Variants in ADARB2 observed in about 807,000 individuals in gnomAD.
ADARB2 encodes adenosine deaminase RNA specific B2 (inactive).
ADARB2 carries 25 observed loss-of-function variants against 62.2 expected under a neutral mutation model. That is an observed-to-expected ratio of 0.40 (90% CI 0.29 to 0.56). ADARB2 has a LOEUF of 0.56. ADARB2 is among the 20% of genes least tolerant of loss of function. ADARB2 has a pLI of 0.43. For synonymous variants in ADARB2, 572 were observed against 500.8 expected, an observed-to-expected ratio of 1.14 and a Z score of -1.90; for missense variants, 1,071 against 1,077.4, an observed-to-expected ratio of 0.99 and a Z score of 0.08.
At chr10:1,446,638 C>G (rs1034869353) in intron 1 of ADARB2, among the ~76,000 whole-genome samples, 2 of 152,240 alleles carry the variant, frequency 1.3e-5, no homozygotes, top group African/African-American at 4.8e-5. Context: ...CAGTGAATAG[C>G]TGTGCTCCTC....
At chr10:1,258,996 C>G (rs1184738802) in intron 4 of ADARB2, among the ~76,000 whole-genome samples, 1 of 152,204 alleles carries the variant, frequency 6.6e-6, no homozygotes, top group Admixed American at 6.5e-5. Flanking sequence ...TTAAGAAACT[C>G]AGTCAAAACT....
intron 1 of ADARB2, among the ~76,000 whole-genome samples, chr10:1,693,386 A>G (rs1350861730): frequency 6.6e-6 from 1 of 152,230 alleles, no homozygotes; most frequent in Non-Finnish European, 1.5e-5. Flanking sequence ...ACTGCAAAAC[A>G]GGACCCCAAG....
chr10:1,475,859 A>G lies in ADARB2; in HGVS notation c.101-96699T>C, dbSNP rs1156702809. ...CGGCAATGAGGAGGGAAATGCCCCC[A>G]CAACTGGAGGTAATTGTGTGAATTT... is the stretch of plus-strand genomic sequence containing the variant. On this transcript the variant is annotated intron_variant, in intron 1 of 9. Coordinates refer to ENST00000381312, the MANE Select transcript of ADARB2 (RefSeq NM_018702.4). Among the ~76,000 whole-genome samples the G allele has an allele frequency of 2.6e-5, 4 of 152,204 alleles. No individual in the cohort carries two copies. The East Asian group carries it at 7.7e-4, about 29-fold the overall frequency.
At chr10:1,601,562 T>C (rs1833413702) in intron 1 of ADARB2, among the ~76,000 whole-genome samples, 1 of 152,250 alleles carries the variant, frequency 6.6e-6, no homozygotes, top group Non-Finnish European at 1.5e-5. Context: ...AAAAGGCTCA[T>C]GTCTGTTCCT....
chr10:1,183,299 G>A lies in ADARB2; in HGVS notation c.2114C>T (p.Thr705Ile), dbSNP rs1318915579. The A allele has an allele frequency of 6.2e-7, 1 of 1,614,202 alleles. No individual in the cohort carries two copies. Residue 705 changes from threonine to isoleucine, a missense_variant, in exon 10 of 10, where the codon ACC becomes ATC. Thr to Ile is a moderately conservative substitution (Grantham distance 89, BLOSUM62 -1). Coordinates refer to ENST00000381312, the MANE Select transcript of ADARB2 (RefSeq NM_018702.4). ...CAGCTGCTGTTTCACAGACTGGTAG[G>A]TGTGCGCCCCCAGCTTGGCCTCACA... ...MYCEAKLGAH[T>I]YQSVKQQLFK...
chr10:1,514,811 T>G (rs570719271), intron 1 of ADARB2, among the ~76,000 whole-genome samples: 1 of 152,266 alleles, frequency 6.6e-6, no homozygotes, highest in East Asian at 1.9e-4. Context: ...GAAGAGGTTT[T>G]TACACCTTGC....
intron 4 of ADARB2, among the ~76,000 whole-genome samples, chr10:1,246,097 A>G (rs1478367434): frequency 2.0e-5 from 3 of 151,868 alleles, no homozygotes; most frequent in African/African-American, 7.3e-5. Context: ...AGTGATGATG[A>G]GCATTTTTTC....
At chr10:1,696,302 G>A (rs112509909) in intron 1 of ADARB2, among the ~76,000 whole-genome samples, 5,770 of 152,118 alleles carry the variant, frequency 0.038, 184 homozygotes, top group East Asian at 0.16. Flanking sequence ...TGTGCTTTGC[G>A]TTTATATGTG....
Position 1,327,772 on chromosome 10 carries a change from TCAGCGCCTCCCCACAGCA to T in ADARB2, c.1077+35238_1077+35255del, listed in dbSNP as rs1362364046. Among the ~76,000 whole-genome samples, 5 of 64,830 alleles carry T rather than the reference TCAGCGCCTCCCCACAGCA, an allele frequency of 7.7e-5. 1 individual carries two copies. Among genetic ancestry groups the T allele is most frequent in the African/African-American group, 1.2e-4 (2 of 16,696 alleles). 42.5% of individuals were successfully genotyped at this position (64,830 alleles called of 152,430 possible). Reference sequence around the variant, plus strand: ...TCACTGCACAGCGCCTCCTCACAGCTCAGCGCCTCCCCACAGCACAGCGCCTCCTCACAGTTCAGCATC... The same window carrying T: ...TCACTGCACAGCGCCTCCTCACAGCTCAGCGCCTCCTCACAGTTCAGCATC... On this transcript the variant is annotated intron_variant, in intron 3 of 9. Transcript: ENST00000381312.
chr10:1,540,489 T>TTGAACCCCATGATCC (rs1564322842), intron 1 of ADARB2, among the ~76,000 whole-genome samples: 1 of 116,370 alleles, frequency 8.6e-6, no homozygotes, highest in Admixed American at 8.8e-5. Context: ...CAGACGTAGT[T>TTGAACCCCATGATCC]CAGACCCTGG....
At chr10:1,702,263 G>C (rs1425683553) in intron 1 of ADARB2, among the ~76,000 whole-genome samples, 2 of 152,150 alleles carry the variant, frequency 1.3e-5, no homozygotes, top group African/African-American at 4.8e-5. Context: ...CTGTATAAAA[G>C]CACAATTTTT....
At chr10:1,335,338 GGAAGAAAGGAT>G (rs1329670387) in intron 3 of ADARB2, among the ~76,000 whole-genome samples, 3 of 150,762 alleles carry the variant, frequency 2.0e-5, no homozygotes, top group Non-Finnish European at 4.4e-5. Context: ...AGGGAGAGAT[GGAAGAAAGGAT>G]GAAGGGAAGG....
intron 1 of ADARB2, among the ~76,000 whole-genome samples, chr10:1,471,355 G>C (rs1057238298): frequency 2.0e-5 from 3 of 152,104 alleles, no homozygotes; most frequent in African/African-American, 7.2e-5. Flanking sequence ...TTTATTTGGT[G>C]GGGGGCCGGG....
chr10:1,435,435 C>T (rs1381044899), intron 1 of ADARB2, among the ~76,000 whole-genome samples: 1 of 149,400 alleles, frequency 6.7e-6, no homozygotes, highest in African/African-American at 2.6e-5. Flanking sequence ...GTGTTCCTTC[C>T]GCTTGAGGGC....
intron 1 of ADARB2, among the ~76,000 whole-genome samples, chr10:1,519,258 G>C (rs541558682): frequency 4.0e-5 from 6 of 149,504 alleles, no homozygotes; most frequent in African/African-American, 1.4e-4. Context: ...TGTAACGTCT[G>C]CATGTGGTGT....
chr10:1,589,474 C>A (rs1459265579), intron 1 of ADARB2, among the ~76,000 whole-genome samples: 1 of 150,742 alleles, frequency 6.6e-6, no homozygotes, highest in Non-Finnish European at 1.5e-5. Context: ...GGGGTGTCCA[C>A]AGTGGGGCAT....
chr10:1,387,085 CAT>C (rs1250613090), intron 1 of ADARB2, among the ~76,000 whole-genome samples: 1 of 151,792 alleles, frequency 6.6e-6, no homozygotes, highest in Non-Finnish European at 1.5e-5. Flanking sequence ...GAAAGTATAA[CAT>C]AACACAATTT....
chr10:1,621,304 C>T (rs1333752357), intron 1 of ADARB2, among the ~76,000 whole-genome samples: 1 of 152,030 alleles, frequency 6.6e-6, no homozygotes, highest in Non-Finnish European at 1.5e-5. Context: ...ACATATCAAT[C>T]GTCTTTTTAT....
At chr10:1,203,203 T>A (rs2131743935) in intron 7 of ADARB2, among the ~76,000 whole-genome samples, 1 of 152,336 alleles carries the variant, frequency 6.6e-6, no homozygotes, top group East Asian at 1.9e-4. Context: ...TATATTTTTG[T>A]CTCTTTGTCA....
Sources: gnomAD v4.1 joint callset for allele counts (sites outside exome capture counted in the v4.1 genomes callset) on GRCh38, gnomAD v4.1.1 for gene constraint, MANE v1.5 for transcripts, NCBI Gene and HGNC (gene_info 2026-07-23, HGNC 2026-07-21) for gene names.